SLC15A5: variants seen among roughly 807,000 people sequenced by gnomAD.
The protein encoded by SLC15A5 is solute carrier family 15 member 5, also known as Peptide/histidine transporter ENSP00000340402.
A neutral mutation model predicts 56.1 loss-of-function variants in SLC15A5; 58 were observed. The ratio of observed to expected loss-of-function variants is 1.03; its 90% CI spans 0.84 to 1.29. The LOEUF (loss-of-function observed/expected upper bound fraction) is 1.29, where lower values mean the gene tolerates loss of function less well. SLC15A5 is among the 50% of genes most tolerant of loss of function. SLC15A5 has a pLI of 0.00. For synonymous variants in SLC15A5, 264 were observed against 250.5 expected (o/e 1.05, Z -0.51); for missense variants, 681 against 672.1 (o/e 1.01, Z -0.15).
Position 16,235,084 on chromosome 12 carries a change from C to G in SLC15A5, c.1162+4597G>C, listed in dbSNP as rs1864334585. Among the ~76,000 whole-genome samples, 1 of 151,876 alleles carries G rather than the reference C, an allele frequency of 6.6e-6. No homozygotes were observed. Among genetic ancestry groups the G allele is most frequent in the South Asian group, 2.1e-4 (1 of 4,816 alleles). Reference sequence around the variant, plus strand: ...TCATTCAGTGTTCATGAACTACTCTCATAAAGACAGCTATAATTTTATTGT... The same window carrying G: ...TCATTCAGTGTTCATGAACTACTCTGATAAAGACAGCTATAATTTTATTGT... On this transcript the variant is annotated intron_variant, in intron 5 of 8. Transcript: ENST00000344941. The surrounding 1 kb of genome is among the most constrained non-coding windows in gnomAD (Gnocchi z 4.1).
chr12:16,234,178 G>A (rs1246642514), intron 5 of SLC15A5, among the ~76,000 whole-genome samples: 1 of 152,090 alleles, frequency 6.6e-6, no homozygotes, highest in Non-Finnish European at 1.5e-5. Context: ...CAAATGAAAT[G>A]AATTCTATCA....
chr12:16,218,583 C>A (rs1864154162), intron 6 of SLC15A5, among the ~76,000 whole-genome samples: 1 of 152,138 alleles, frequency 6.6e-6, no homozygotes, highest in South Asian at 2.1e-4. Context: ...CAGCGTGTGA[C>A]TGTACTGAAT....
intron 8 of SLC15A5, 66 bp downstream of exon 8, chr12:16,194,279 G>T: frequency 2.0e-6 from 2 of 995,464 alleles, no homozygotes; most frequent in Non-Finnish European, 3.0e-6. Flanking sequence ...CCCTGGCTCA[G>T]TGATGGTTCC....
In SLC15A5 at chr12:16,239,724, C is replaced by G; in HGVS notation, c.1119G>C (p.Leu373=). ...ATGATCCAACTCTCTTAGAGGGAAA[C>G]AGGCAGGTGCTGAAATACTCCAGAA... ...APFLEYFSTC[L]FPSKRVGSFL... Residue 373 remains leucine (L), a synonymous_variant, in exon 5 of 9, where the codon CTG becomes CTC. Coordinates refer to ENST00000344941, the MANE Select transcript of SLC15A5 (RefSeq NM_001170798.1). 1 of 1,537,322 alleles carries G rather than the reference C, an allele frequency of 6.5e-7. No individual in the cohort carries two copies.
At chr12:16,228,899 C>T (rs1285327661) in intron 5 of SLC15A5, among the ~76,000 whole-genome samples, 3 of 152,054 alleles carry the variant, frequency 2.0e-5, no homozygotes, top group Non-Finnish European at 4.4e-5. Context: ...GTTAAGTTTG[C>T]AGGGGGTGAA....
chr12:16,194,779 T>A (rs1420656225), intron 7 of SLC15A5, among the ~76,000 whole-genome samples: 1 of 152,060 alleles, frequency 6.6e-6, no homozygotes, highest in Non-Finnish European at 1.5e-5. Context: ...TTTATCCTTA[T>A]ATTTGTAGTA....
intron 5 of SLC15A5, among the ~76,000 whole-genome samples, chr12:16,225,743 A>G (rs1247103746): frequency 1.3e-5 from 2 of 152,236 alleles, no homozygotes; most frequent in African/African-American, 4.8e-5. Context: ...AATCAAAACC[A>G]CAATGAGATA....
At chr12:16,262,216 T>A (rs1864649239) in intron 2 of SLC15A5, among the ~76,000 whole-genome samples, 1 of 152,234 alleles carries the variant, frequency 6.6e-6, no homozygotes, top group Non-Finnish European at 1.5e-5. Flanking sequence ...AATATCCTGT[T>A]AATACTTCTT....
intron 5 of SLC15A5, among the ~76,000 whole-genome samples, chr12:16,238,246 C>A (rs1277913324): frequency 2.0e-5 from 3 of 152,208 alleles, no homozygotes; most frequent in East Asian, 3.9e-4. Context: ...AGGAAACACA[C>A]ACAATGAAAT....
chr12:16,277,175 T>G, intron 1 of SLC15A5, 150 bp downstream of exon 1: 1 of 778,704 alleles, frequency 1.3e-6, no homozygotes, highest in Non-Finnish European at 2.0e-6. Context: ...CTTCAAATAG[T>G]ACAAAGAATG....
At chr12:16,273,359 T>C (rs1864781418) in intron 1 of SLC15A5, among the ~76,000 whole-genome samples, 1 of 151,810 alleles carries the variant, frequency 6.6e-6, no homozygotes, top group Non-Finnish European at 1.5e-5. Context: ...GAGCCTTCTT[T>C]GCCACAAACA....
Position 16,269,037 on chromosome 12 carries a change from G to A in SLC15A5, c.584+3524C>T, listed in dbSNP as rs149698573. ...GCCCCTTCCACTATGTGAAGACACA[G>A]TGAGAAGCCAGCAGTCTTACAGCCA... is the stretch of plus-strand genomic sequence containing the variant. On this transcript the variant is annotated intron_variant, in intron 2 of 8. Transcript: ENST00000344941. This position sits in a 1 kb window ranked among gnomAD's most constrained non-coding sequence, Gnocchi z 4.7. Among the ~76,000 whole-genome samples, 3 of 151,724 alleles carry A rather than the reference G, an allele frequency of 2.0e-5. No individual in the cohort carries two copies. The East Asian group carries it at 5.9e-4, about 30-fold the overall frequency.
At chr12:16,190,788 T>C (rs1863832438) in intron 8 of SLC15A5, among the ~76,000 whole-genome samples, 1 of 152,092 alleles carries the variant, frequency 6.6e-6, no homozygotes, top group Non-Finnish European at 1.5e-5. Flanking sequence ...CCTGAACAAC[T>C]CTGGTCATTT....
chr12:16,238,393 C>T (rs531167314), intron 5 of SLC15A5, among the ~76,000 whole-genome samples: 11 of 151,816 alleles, frequency 7.2e-5, no homozygotes, highest in South Asian at 6.2e-4. Flanking sequence ...TTTGGGAGGC[C>T]GAGGCGGGCG....
chr12:16,272,997 G>GT lies in SLC15A5; in HGVS notation c.362-215dup, dbSNP rs796195708. On this transcript the variant is annotated intron_variant, in intron 1 of 8. Coordinates refer to ENST00000344941, the MANE Select transcript of SLC15A5 (RefSeq NM_001170798.1). ...TGTCTCAACTAATCCGGAGTTTTAG[G>GT]TTTTTTTTTTTCTCCTCAAGCTTGA... Among the ~76,000 whole-genome samples, 50 of 147,618 alleles carry GT rather than the reference G, an allele frequency of 3.4e-4. 1 individual carries two copies. The highest frequency in any genetic ancestry group is 6.4e-4 in the South Asian group (3 of 4,658).
intron 6 of SLC15A5, among the ~76,000 whole-genome samples, chr12:16,220,664 T>G (rs1565661964): frequency 6.6e-6 from 1 of 152,242 alleles, no homozygotes; most frequent in Non-Finnish European, 1.5e-5. Context: ...TAACAGAGAC[T>G]GGCCTGCAAA....
At chr12:16,274,961 A>G (rs1044345398) in intron 1 of SLC15A5, among the ~76,000 whole-genome samples, 4 of 152,174 alleles carry the variant, frequency 2.6e-5, no homozygotes, top group South Asian at 4.1e-4. Flanking sequence ...GATGTGTGCA[A>G]TTGTGTATCT....
Position 16,224,565 on chromosome 12 carries a change from T to C in SLC15A5, c.1200A>G (p.Ile400Met). 6.5e-7 allele frequency: 1 copy of C among 1,537,028 alleles called. No homozygotes were observed. Among genetic ancestry groups the C allele is most frequent in the Non-Finnish European group, 8.7e-7 (1 of 1,146,816 alleles). ...GNLFAALSVM[I>M]AGFFEIHRKH... ...TTCGGTGTATTTCAAAGAAGCCAGCTATCATCACAGACAATGCAGCAAAAA... is the reference window on the plus strand; with the variant it reads ...TTCGGTGTATTTCAAAGAAGCCAGCCATCATCACAGACAATGCAGCAAAAA... The change falls in exon 6 of 9, where the codon ATA (isoleucine) becomes ATG (methionine). Residue 400 changes from isoleucine to methionine, a missense_variant. Ile to Met is a conservative substitution (Grantham distance 10). Coordinates refer to ENST00000344941, the MANE Select transcript of SLC15A5 (RefSeq NM_001170798.1).
chr12:16,245,292 C>G (rs543412011), intron 3 of SLC15A5, among the ~76,000 whole-genome samples: 2 of 152,124 alleles, frequency 1.3e-5, no homozygotes, highest in African/African-American at 4.8e-5. Flanking sequence ...TCTGCTTTGA[C>G]TTTATCCTTG....
Sources: gnomAD v4.1 joint callset for allele counts (sites outside exome capture counted in the v4.1 genomes callset) on GRCh38, gnomAD v4.1.1 for gene constraint, Gnocchi (gnomAD v3.1) non-coding constraint, MANE v1.5 for transcripts, NCBI Gene and HGNC (gene_info 2026-07-23, HGNC 2026-07-21) for gene names.